Variants in PARP14 observed in about 807,000 individuals in gnomAD.
PARP14 encodes poly(ADP-ribose) polymerase family member 14.
PARP14 carries 59 observed loss-of-function variants against 154.2 expected under a neutral mutation model. The observed-to-expected ratio is 0.38, with a 90% CI of 0.31 to 0.48. PARP14 has a LOEUF of 0.48. PARP14 is among the 20% of genes least tolerant of loss of function. The pLI is 0.98. For synonymous variants in PARP14, 720 were observed against 780.5 expected, an observed-to-expected ratio of 0.92 and a Z score of 1.29; for missense variants, 1,734 against 2,131.6, an observed-to-expected ratio of 0.81 and a Z score of 3.67.
At chr3:122,708,160 G>A in intron 8 of PARP14, 30 bp from the exon 9 acceptor site, 2 of 1,216,852 alleles carry the variant, frequency 1.6e-6, no homozygotes, top group Admixed American at 2.0e-5. Context: ...ACTGAGGAGT[G>A]TAATGATCAA....
At chr3:122,708,753 C>G (rs1939235263) in intron 9 of PARP14, among the ~76,000 whole-genome samples, 2 of 152,094 alleles carry the variant, frequency 1.3e-5, no homozygotes, top group African/African-American at 4.8e-5. Flanking sequence ...CTTCTGTTTT[C>G]CAATACTGTG....
intron 8 of PARP14, among the ~76,000 whole-genome samples, chr3:122,707,977 C>T (rs1187631122): frequency 6.6e-6 from 1 of 152,106 alleles, no homozygotes; most frequent in Non-Finnish European, 1.5e-5. Context: ...CATCGTTGTC[C>T]ACATCGTTGA....
intron 9 of PARP14, among the ~76,000 whole-genome samples, chr3:122,712,702 C>T (rs768067347): frequency 1.3e-5 from 2 of 151,988 alleles, no homozygotes; most frequent in Non-Finnish European, 2.9e-5. Flanking sequence ...TACAGTTGTG[C>T]ACCACCATCC....
chr3:122,697,748 T>A (rs1357532662), intron 5 of PARP14, among the ~76,000 whole-genome samples: 2 of 152,242 alleles, frequency 1.3e-5, no homozygotes, highest in Non-Finnish European at 2.9e-5. Context: ...GTCTGTAAGA[T>A]CTTTTGCTGT....
At chr3:122,708,370 A>C (rs1160934807) in intron 9 of PARP14, 102 bp downstream of exon 9, 1 of 649,720 alleles carries the variant, frequency 1.5e-6, no homozygotes, top group Non-Finnish European at 2.8e-6. Context: ...AAAAAAAATC[A>C]ATGAGTGACA....
At chr3:122,686,008 T>C (rs1938363310) in intron 2 of PARP14, among the ~76,000 whole-genome samples, 1 of 152,172 alleles carries the variant, frequency 6.6e-6, no homozygotes, top group Non-Finnish European at 1.5e-5. Context: ...ATTACCCCAA[T>C]TGTAAAATGG....
intron 12 of PARP14, among the ~76,000 whole-genome samples, chr3:122,716,066 A>C (rs773643277): frequency 2.7e-4 from 41 of 152,150 alleles, no homozygotes; most frequent in Admixed American, 6.5e-5. Context: ...GCTGGTTCTG[A>C]GACTGATAGA....
In PARP14 at chr3:122,714,294, G is replaced by A. The variant is rs548309455; in HGVS notation, c.3865G>A (p.Gly1289Arg). The stretch of plus-strand genomic sequence containing the variant: ...GCGCAAAAATGATTATATAATCACC[G>A]GAGGTGGATTTTTGAGGTGCAAGAA... ...QQRKNDYIITGGGFLRCKNII... is the reference protein window; with the variant it reads ...QQRKNDYIITRGGFLRCKNII... The change falls in exon 12 of 17, where the codon GGA becomes AGA. Residue 1289 changes from glycine (G) to arginine (R), a missense_variant. Gly to Arg is a moderately radical substitution (Grantham distance 125). This residue lies in a region of PARP14 where 1,646 missense variants were observed against 1,976.0 expected (regional missense o/e 0.83). Transcript: ENST00000474629. 1.8e-5 allele frequency: 28 copies of A among 1,597,628 alleles called. No individual in the cohort carries two copies. Among genetic ancestry groups the A allele is most frequent in the African/African-American group, 5.4e-5 (4 of 73,802 alleles).
Position 122,729,607 on chromosome 3 carries a change from T to C in PARP14, c.*1010T>C, listed in dbSNP as rs1933376098. On this transcript the variant is annotated 3_prime_UTR_variant, in exon 17 of 17. Coordinates refer to ENST00000474629, the MANE Select transcript of PARP14 (RefSeq NM_017554.3). ...GCGCTAACACACCCAGCTAATTTTG[T>C]ATTTTTAGTAGAGACGAGGTTTCTC... The C allele has an allele frequency of 6.6e-6, 1 of 152,302 alleles. No individual in the cohort carries two copies. The highest frequency in any genetic ancestry group is 1.9e-4 in the East Asian group (1 of 5,180). The allele number at this position is 152,302 out of a possible 1,614,324, so 9.4% of individuals were successfully genotyped here.
intron 15 of PARP14, among the ~76,000 whole-genome samples, chr3:122,723,947 A>C (rs1476468344): frequency 6.6e-6 from 1 of 151,688 alleles, no homozygotes; most frequent in East Asian, 1.9e-4. Context: ...TTTTTTCCTG[A>C]TTTTGAAAAA....
chr3:122,682,001 G>GGAGGCT (rs1938224152), intron 1 of PARP14, among the ~76,000 whole-genome samples: 1 of 152,210 alleles, frequency 6.6e-6, no homozygotes, highest in Non-Finnish European at 1.5e-5. Flanking sequence ...GGAGAGGCAA[G>GGAGGCT]GAGGCTGAGG....
intron 3 of PARP14, among the ~76,000 whole-genome samples, chr3:122,688,334 A>G (rs1160883492): frequency 6.6e-6 from 1 of 152,154 alleles, no homozygotes; most frequent in Admixed American, 6.5e-5. Flanking sequence ...GACTTCATAG[A>G]TTTTTACCTT....
rs1933344591 is a variant in PARP14 at position 122,728,496 on chromosome 3, C to G, written c.5305C>G (p.Leu1769Val). The G allele has an allele frequency of 1.2e-6, 2 of 1,613,350 alleles. No homozygotes were observed. The highest frequency in any genetic ancestry group is 1.3e-5 in the African/African-American group (1 of 74,914). ...AAAGAACCCTCAAAATCCTACTGAC[C>G]TGTATGACACTGTCACAGATAATGT... is the stretch of plus-strand genomic sequence containing the variant. ...PSKNPQNPTD[L>V]YDTVTDNVHH... Residue 1769 changes from leucine (L) to valine (V), a missense_variant, in exon 17 of 17, where the codon CTG (leucine) becomes GTG (valine). Transcript: ENST00000474629.
At position 122,695,409 on chromosome 3, in the gene PARP14, T is replaced by C; in HGVS notation, c.599-17T>C. ...AAAAATTTACTGATTTTCTTTCTTT[T>C]TTTTTTTGGTTTGTAGATACTATAA... On this transcript the variant is annotated splice_polypyrimidine_tract_variant and intron_variant, in intron 4 of 16. Transcript: ENST00000474629. 3 of 1,202,054 alleles carry C rather than the reference T, an allele frequency of 2.5e-6. No individual in the cohort carries two copies. Among genetic ancestry groups the C allele is most frequent in the Non-Finnish European group, 3.6e-6 (3 of 843,054 alleles). The allele number at this position is 1,202,054 out of a possible 1,614,324, so 74.5% of individuals were successfully genotyped here. A position where few individuals can be genotyped will look rare whatever the true frequency, so the allele number is the denominator to read the frequency against.
At chr3:122,719,475 A>G (rs1300611593) in intron 14 of PARP14, among the ~76,000 whole-genome samples, 4 of 152,200 alleles carry the variant, frequency 2.6e-5, no homozygotes, top group African/African-American at 4.8e-5. Context: ...CTTGACACAC[A>G]TGGCAGGAAG....
chr3:122,686,349 T>C (rs1180435029), intron 2 of PARP14, among the ~76,000 whole-genome samples: 1 of 151,634 alleles, frequency 6.6e-6, no homozygotes, highest in African/African-American at 2.4e-5. Context: ...GAGTCGGGGT[T>C]TTACCATGTT....
chr3:122,728,782 G>C lies in PARP14; in HGVS notation c.*185G>C, dbSNP rs1469485064. On this transcript the variant is annotated 3_prime_UTR_variant, in exon 17 of 17. Transcript: ENST00000474629. ...AATGGAAATGAACTTATTATCTTGA[G>C]AGCAAATAACTTGGAAAATTTAAAT... 5.3e-6 allele frequency: 3 copies of C among 570,218 alleles called. No homozygotes were observed. The highest frequency in any genetic ancestry group is 9.3e-6 in the Non-Finnish European group (3 of 322,820). 35.3% of individuals were successfully genotyped at this position (570,218 alleles called of 1,614,324 possible).
intron 3 of PARP14, 72 bp downstream of exon 3, chr3:122,687,185 G>GCTGACTCCCTCA: frequency 3.8e-6 from 4 of 1,049,808 alleles, no homozygotes; most frequent in Non-Finnish European, 5.8e-6. Context: ...GCACTTGAGG[G>GCTGACTCCCTCA]AGTCAGCCCT....
At chr3:122,709,896 T>TG (rs1472759075) in intron 9 of PARP14, among the ~76,000 whole-genome samples, 9 of 149,580 alleles carry the variant, frequency 6.0e-5, no homozygotes, top group African/African-American at 2.2e-4. Flanking sequence ...TTATTTGTTT[T>TG]TTTTTTTGTT....
Sources: allele counts gnomAD v4.1 joint callset (sites outside exome capture counted in the v4.1 genomes callset), GRCh38; gene constraint gnomAD v4.1.1; regional missense constraint gnomAD v4.1.1; transcripts MANE v1.5; gene names NCBI Gene and HGNC (gene_info 2026-07-23, HGNC 2026-07-21).